The following DAB1 variants were observed in gnomAD, a reference collection of about 807,000 sequenced individuals.
DAB1 encodes disabled homolog 1.
DAB1 carries 15 observed loss-of-function variants against 64.6 expected under a neutral mutation model. That is an observed-to-expected ratio of 0.23 (90% CI 0.16 to 0.36). The LOEUF is 0.36. DAB1 is among the 10% of genes least tolerant of loss of function. DAB1 has a pLI of 1.00. For missense variants in DAB1, 596 were observed against 706.7 expected, an observed-to-expected ratio of 0.84 and a Z score of 1.78; for synonymous variants, 235 against 251.9, an observed-to-expected ratio of 0.93 and a Z score of 0.64.
chr1:57,967,075 G>A (rs1359061031), intron 5 of DAB1, among the ~76,000 whole-genome samples: 2 of 152,144 alleles, frequency 1.3e-5, no homozygotes, highest in Non-Finnish European at 2.9e-5. Flanking sequence ...ACACACACAA[G>A]AATGTCAAGA....
chr1:57,504,908 G>A (rs986129205), intron 7 of DAB1, among the ~76,000 whole-genome samples: 2 of 152,164 alleles, frequency 1.3e-5, no homozygotes, highest in African/African-American at 4.8e-5. Flanking sequence ...AAATGCCTCA[G>A]CAGAACTCCT....
At chr1:57,086,966 A>G (rs1406813635) in intron 4 of DAB1, among the ~76,000 whole-genome samples, 1 of 152,166 alleles carries the variant, frequency 6.6e-6, no homozygotes, top group Admixed American at 6.5e-5. Flanking sequence ...GTGTCCATCG[A>G]TGTCCCCATT....
At chr1:57,178,782 G>C (rs113474488) in intron 2 of DAB1, among the ~76,000 whole-genome samples, 68 of 151,670 alleles carry the variant, frequency 4.5e-4, no homozygotes, top group African/African-American at 1.6e-3. Context: ...TCTTCTATCT[G>C]TATTATAAAA....
Position 58,539,262 on chromosome 1 carries a change from A to G in DAB1, n.32+7441T>C, listed in dbSNP as rs754307317. On this transcript the variant is annotated intron_variant and non_coding_transcript_variant, in intron 1 of 20. Coordinates refer to the DAB1 transcript ENST00000485760. ...TAAATCGGAAGAAAACATGGTTTCT[A>G]GCAGCAGACTGCAATCCACAGATGA... 9.2e-6 allele frequency: 8 copies of G among 866,784 alleles called. No individual in the cohort carries two copies. The Admixed American group carries it at 1.4e-4, about 15-fold the overall frequency. 53.7% of individuals were successfully genotyped at this position (866,784 alleles called of 1,614,324 possible).
chr1:57,574,033 TAGAG>T (rs962681528), intron 7 of DAB1, among the ~76,000 whole-genome samples: 1 of 152,160 alleles, frequency 6.6e-6, no homozygotes, highest in African/African-American at 2.4e-5. Context: ...GAGTGGTTCT[TAGAG>T]AAGAATGATT....
At chr1:58,447,457 T>C (rs544070454) in intron 3 of DAB1, among the ~76,000 whole-genome samples, 86 of 152,320 alleles carry the variant, frequency 5.6e-4, no homozygotes, top group African/African-American at 2.0e-3. Context: ...TATTCATGTA[T>C]TAATTTTTAT....
At chr1:58,493,632 CAGAG>C (rs1195135240) in intron 3 of DAB1, among the ~76,000 whole-genome samples, 1 of 151,486 alleles carries the variant, frequency 6.6e-6, no homozygotes, top group Non-Finnish European at 1.5e-5. Context: ...AACAGACAAA[CAGAG>C]AGCCAAATCA....
chr1:57,600,518 G>T (rs1331637942), intron 7 of DAB1, among the ~76,000 whole-genome samples: 1 of 152,142 alleles, frequency 6.6e-6, no homozygotes, highest in African/African-American at 2.4e-5. Context: ...CTGCTTGTGG[G>T]TCAGGAAACT....
At chr1:58,309,158 T>G (rs1662373830) in intron 4 of DAB1, among the ~76,000 whole-genome samples, 1 of 152,188 alleles carries the variant, frequency 6.6e-6, no homozygotes, top group Non-Finnish European at 1.5e-5. Context: ...ATTGTGAGAT[T>G]TGAGATAATC....
intron 6 of DAB1, among the ~76,000 whole-genome samples, chr1:57,770,743 A>G (rs1350468619): frequency 1.3e-5 from 2 of 152,184 alleles, no homozygotes; most frequent in African/African-American, 2.4e-5. Flanking sequence ...CAGAGATGCA[A>G]ATAACTTTTT....
At chr1:58,094,363 C>A (rs1473379440) in intron 5 of DAB1, among the ~76,000 whole-genome samples, 1 of 152,204 alleles carries the variant, frequency 6.6e-6, no homozygotes, top group Non-Finnish European at 1.5e-5. Context: ...CTGACTGATA[C>A]AGGTAGGCAC....
chr1:57,810,296 G>C (rs1046688054), intron 6 of DAB1, among the ~76,000 whole-genome samples: 1 of 152,158 alleles, frequency 6.6e-6, no homozygotes, highest in Non-Finnish European at 1.5e-5. Flanking sequence ...AACTCTTCCT[G>C]GGAGACAGAG....
intron 2 of DAB1, among the ~76,000 whole-genome samples, chr1:57,247,254 G>C (rs1057025108): frequency 2.6e-5 from 4 of 152,090 alleles, no homozygotes; most frequent in Non-Finnish European, 5.9e-5. Flanking sequence ...TCAGATCATG[G>C]GGGCAGATTT....
chr1:57,731,014 T>G (rs1017136401), intron 6 of DAB1, among the ~76,000 whole-genome samples: 5 of 152,220 alleles, frequency 3.3e-5, no homozygotes, highest in African/African-American at 1.2e-4. Flanking sequence ...CAGATGCTTG[T>G]ATACCCATAT....
At chr1:58,413,068 T>C (rs571899162) in intron 3 of DAB1, among the ~76,000 whole-genome samples, 1 of 152,332 alleles carries the variant, frequency 6.6e-6, no homozygotes, top group South Asian at 2.1e-4. Flanking sequence ...CGATCGTCCC[T>C]GGACATCATT....
At chr1:57,373,478 C>G (rs1206181981) in intron 1 of DAB1, among the ~76,000 whole-genome samples, 1 of 152,112 alleles carries the variant, frequency 6.6e-6, no homozygotes, top group Non-Finnish European at 1.5e-5. Flanking sequence ...TACCTGCCCC[C>G]TCAAAGGCAC....
chr1:57,949,537 CTATCATCT>C (rs1379270919), intron 5 of DAB1, among the ~76,000 whole-genome samples: 67 of 144,614 alleles, frequency 4.6e-4, no homozygotes, highest in African/African-American at 1.7e-3. Flanking sequence ...GTCTGTCTAT[CTATCATCT>C]ATCTACACAC....
intron 5 of DAB1, among the ~76,000 whole-genome samples, chr1:57,996,395 A>C (rs1646425877): frequency 6.6e-6 from 1 of 152,232 alleles, no homozygotes; most frequent in African/African-American, 2.4e-5. Flanking sequence ...TAAATCCCAT[A>C]AGTAACAAGG....
At chr1:57,306,344 A>G (rs899250449) in intron 1 of DAB1, among the ~76,000 whole-genome samples, 3 of 152,138 alleles carry the variant, frequency 2.0e-5, no homozygotes, top group African/African-American at 7.2e-5. Context: ...TTTCTCTTGC[A>G]TCTTCCTTTG....
Sources: allele counts gnomAD v4.1 joint callset (sites outside exome capture counted in the v4.1 genomes callset), GRCh38; gene constraint gnomAD v4.1.1; transcripts MANE v1.5; gene names NCBI Gene and HGNC (gene_info 2026-07-23, HGNC 2026-07-21).